The following TYW1 variants were observed in gnomAD, a reference collection of about 807,000 sequenced individuals.
TYW1 encodes tRNA-yW synthesizing protein 1 homolog.
A neutral mutation model predicts 96.2 loss-of-function variants in TYW1; 46 were observed. The ratio of observed to expected loss-of-function variants is 0.48; its 90% CI spans 0.38 to 0.61. The LOEUF is 0.61. Among genes scored for constraint, TYW1 ranks in the 20% least tolerant of loss-of-function variants. TYW1 has a pLI of 0.00. For missense variants in TYW1, 684 were observed against 909.6 expected (o/e 0.75, Z 3.19); for synonymous variants, 274 against 323.0 (o/e 0.85, Z 1.63).
At chr7:67,056,669 G>A (rs1247403439) in intron 9 of TYW1, among the ~76,000 whole-genome samples, 2 of 152,150 alleles carry the variant, frequency 1.3e-5, no homozygotes, top group Admixed American at 6.5e-5. Flanking sequence ...GAATATACCA[G>A]TTTTTAAAGA....
intron 8 of TYW1, among the ~76,000 whole-genome samples, chr7:67,052,478 T>C (rs1795387193): frequency 6.6e-6 from 1 of 152,182 alleles, no homozygotes; most frequent in African/African-American, 2.4e-5. Flanking sequence ...GACATTGTAG[T>C]TTTCATTTCT....
intron 3 of TYW1, among the ~76,000 whole-genome samples, chr7:67,004,647 G>A (rs1368877530): frequency 6.6e-6 from 1 of 152,116 alleles, no homozygotes; most frequent in Non-Finnish European, 1.5e-5. Flanking sequence ...CTCTTGTAAG[G>A]CAGGTCTGGT....
At chr7:67,180,384 GTTTATA>G (rs1250903700) in intron 13 of TYW1, among the ~76,000 whole-genome samples, 1 of 68,628 alleles carries the variant, frequency 1.5e-5, no homozygotes, top group Non-Finnish European at 2.8e-5. Flanking sequence ...AAAGCTGTTG[GTTTATA>G]TATATATATA....
chr7:67,122,018 T>G (rs934786176), intron 13 of TYW1, among the ~76,000 whole-genome samples: 1 of 150,450 alleles, frequency 6.6e-6, no homozygotes, highest in Non-Finnish European at 1.5e-5. Flanking sequence ...AAGAGAAATA[T>G]ATCTTATACA....
chr7:67,076,044 C>T (rs183922391), intron 10 of TYW1, among the ~76,000 whole-genome samples: 23 of 152,346 alleles, frequency 1.5e-4, no homozygotes, highest in East Asian at 5.8e-4. Context: ...AGCATTAAGT[C>T]GTAGCCTATT....
At chr7:67,155,205 C>T (rs1250596062) in intron 13 of TYW1, among the ~76,000 whole-genome samples, 1 of 152,010 alleles carries the variant, frequency 6.6e-6, no homozygotes, top group Non-Finnish European at 1.5e-5. Context: ...GATGTTTGTC[C>T]CCTCCAAATC....
chr7:67,160,830 G>C (rs1014510843), intron 13 of TYW1, among the ~76,000 whole-genome samples: 4 of 151,782 alleles, frequency 2.6e-5, no homozygotes, highest in Non-Finnish European at 5.9e-5. Context: ...GACCTCAAGT[G>C]ATCTGCCCAC....
chr7:67,079,918 T>G (rs1294005161), intron 10 of TYW1, among the ~76,000 whole-genome samples: 1 of 152,220 alleles, frequency 6.6e-6, no homozygotes. Context: ...CTTTTATGAC[T>G]GATTTCTTGT....
chr7:67,098,784 A>G, intron 12 of TYW1, 66 bp downstream of exon 12: 1 of 1,470,412 alleles, frequency 6.8e-7, no homozygotes, highest in Non-Finnish European at 9.1e-7. Flanking sequence ...TAAAACTAAT[A>G]GGCATTAATG....
At chr7:67,172,935 C>G (rs1799559999) in intron 13 of TYW1, among the ~76,000 whole-genome samples, 1 of 149,126 alleles carries the variant, frequency 6.7e-6, no homozygotes. Context: ...GCCTGGGCAA[C>G]ATAATGAGAC....
intron 5 of TYW1, 88 bp downstream of exon 5, chr7:67,014,649 G>A (rs1004187123): frequency 1.8e-5 from 26 of 1,448,508 alleles, no homozygotes; most frequent in African/African-American, 2.8e-5. Context: ...GTGCACACAC[G>A]CACACACACA....
intron 9 of TYW1, among the ~76,000 whole-genome samples, chr7:67,065,385 G>A (rs1247236015): frequency 6.6e-6 from 1 of 152,176 alleles, no homozygotes; most frequent in Non-Finnish European, 1.5e-5. Context: ...AGAACAAAGT[G>A]TATTAACTTC....
At chr7:67,079,628 T>C (rs1420030490) in intron 10 of TYW1, among the ~76,000 whole-genome samples, 10 of 152,040 alleles carry the variant, frequency 6.6e-5, no homozygotes, top group Non-Finnish European at 1.5e-4. Flanking sequence ...TTTTCTGTTC[T>C]AGTAATTTTG....
chr7:67,039,105 G>C (rs1306262471), intron 7 of TYW1, among the ~76,000 whole-genome samples: 3 of 152,124 alleles, frequency 2.0e-5, no homozygotes, highest in Non-Finnish European at 4.4e-5. Context: ...GTGGCCATGT[G>C]GTCTTTGTCA....
At chr7:67,207,469 C>T (rs958696707) in intron 15 of TYW1, among the ~76,000 whole-genome samples, 4 of 152,112 alleles carry the variant, frequency 2.6e-5, no homozygotes, top group African/African-American at 9.7e-5. Context: ...TTGTTAAATC[C>T]AGTGACCTTT....
At chr7:67,169,374 A>G (rs181313401) in intron 13 of TYW1, among the ~76,000 whole-genome samples, 2 of 151,934 alleles carry the variant, frequency 1.3e-5, no homozygotes, top group African/African-American at 4.8e-5. Context: ...TTTCCAAGTT[A>G]GCGCATGTTA....
intron 10 of TYW1, among the ~76,000 whole-genome samples, chr7:67,080,402 C>CTT (rs370544344): frequency 0.24 from 34,390 of 141,300 alleles, 4,297 homozygotes; most frequent in African/African-American, 0.31. Context: ...CTCTTGCTTA[C>CTT]TTTTTTTTTT....
chr7:67,216,453 A>C (rs531835725), intron 15 of TYW1, among the ~76,000 whole-genome samples: 1 of 139,058 alleles, frequency 7.2e-6, no homozygotes, highest in Non-Finnish European at 1.6e-5. Context: ...TGTCTAGTTC[A>C]GCCGAGATCG....
intron 13 of TYW1, among the ~76,000 whole-genome samples, chr7:67,121,682 C>A (rs1797765074): frequency 6.6e-6 from 1 of 150,580 alleles, no homozygotes; most frequent in African/African-American, 2.5e-5. Context: ...TATGCCTGAG[C>A]AAGGAAAGGC....
Sources: gnomAD v4.1 joint callset for allele counts (sites outside exome capture counted in the v4.1 genomes callset) on GRCh38, gnomAD v4.1.1 for gene constraint, MANE v1.5 for transcripts, NCBI Gene and HGNC (gene_info 2026-07-23, HGNC 2026-07-21) for gene names.